Variants in CCDC7 observed in about 807,000 individuals in gnomAD.
CCDC7 encodes coiled-coil domain-containing protein 7.
A neutral mutation model predicts 196.9 loss-of-function variants in CCDC7; 183 were observed. The observed-to-expected ratio is 0.93, with a 90% CI of 0.82 to 1.05. The LOEUF (loss-of-function observed/expected upper bound fraction) is 1.05. Among genes scored for constraint, CCDC7 ranks in the 50% least tolerant of loss-of-function variants. CCDC7 has a pLI of 0.00. For synonymous variants in CCDC7, 525 were observed against 484.6 expected (o/e 1.08, Z -1.10); for missense variants, 1,540 against 1,482.2 (o/e 1.04, Z -0.64).
At chr10:32,821,683 T>C (rs960143387) in intron 31 of CCDC7, among the ~76,000 whole-genome samples, 4 of 151,994 alleles carry the variant, frequency 2.6e-5, no homozygotes, top group Admixed American at 1.3e-4. Context: ...AAGCTGGAAA[T>C]CATCATTCTC....
At chr10:32,836,968 A>T (rs952098360) in intron 33 of CCDC7, among the ~76,000 whole-genome samples, 1 of 152,082 alleles carries the variant, frequency 6.6e-6, no homozygotes, top group Non-Finnish European at 1.5e-5. Context: ...AACCATAAAA[A>T]CCCTAGAAGA....
intron 28 of CCDC7, among the ~76,000 whole-genome samples, chr10:32,773,984 A>G (rs1340081327): frequency 6.6e-6 from 1 of 152,190 alleles, no homozygotes; most frequent in African/African-American, 2.4e-5. Flanking sequence ...CTGCTCTAGA[A>G]CTATGTTGCT....
At chr10:32,707,941 T>G (rs567264690) in intron 24 of CCDC7, among the ~76,000 whole-genome samples, 88 of 152,258 alleles carry the variant, frequency 5.8e-4, no homozygotes, top group Middle Eastern at 3.4e-3. Flanking sequence ...AAGCTACCAA[T>G]GACTTTCTTC....
intron 16 of CCDC7, 101 bp downstream of exon 17, chr10:32,571,994 C>T (rs986237040): frequency 2.2e-5 from 24 of 1,080,888 alleles, no homozygotes; most frequent in Non-Finnish European, 2.9e-5. Context: ...TGTCACAAAA[C>T]TCTTTGAAAC....
chr10:32,453,578 C>T, intron 2 of CCDC7, 142 bp downstream of exon 3: 2 of 618,738 alleles, frequency 3.2e-6, no homozygotes, highest in Non-Finnish European at 4.6e-6. Flanking sequence ...AAATGATCCT[C>T]TTAGAAAATT....
At chr10:32,571,006 CTTTTTTT>C (rs376971167) in intron 15 of CCDC7, among the ~76,000 whole-genome samples, 1 of 131,408 alleles carries the variant, frequency 7.6e-6, no homozygotes, top group Non-Finnish European at 1.6e-5. Context: ...GGTCACTGGC[CTTTTTTT>C]TTTTTTTTTT....
intron 18 of CCDC7, among the ~76,000 whole-genome samples, chr10:32,599,582 T>C (rs1158256096): frequency 6.6e-6 from 1 of 152,198 alleles, no homozygotes; most frequent in Admixed American, 6.5e-5. Flanking sequence ...CTTTTGTGTA[T>C]GTTTTTAGAT....
chr10:32,713,144 A>G (rs932832202), intron 25 of CCDC7, among the ~76,000 whole-genome samples: 4 of 152,240 alleles, frequency 2.6e-5, no homozygotes, highest in African/African-American at 9.6e-5. Context: ...TAATATATTC[A>G]GTAGTAGAGG....
chr10:32,588,382 C>T (rs2059486589), intron 18 of CCDC7, among the ~76,000 whole-genome samples: 1 of 7,772 alleles, frequency 1.3e-4, no homozygotes, highest in Admixed American at 2.5e-3. Context: ...CAGATTTTGT[C>T]ACATGCATTT....
intron 9 of CCDC7, among the ~76,000 whole-genome samples, chr10:32,507,267 A>G (rs1286727089): frequency 6.6e-6 from 1 of 152,114 alleles, no homozygotes; most frequent in East Asian, 1.9e-4. Flanking sequence ...CTGGGATTAC[A>G]GGCATGAGCC....
At chr10:32,526,556 G>A (rs981126787) in intron 11 of CCDC7, among the ~76,000 whole-genome samples, 2 of 152,142 alleles carry the variant, frequency 1.3e-5, no homozygotes, top group Admixed American at 6.5e-5. Context: ...TCAGAGCCCA[G>A]GCCCACAGTG....
intron 20 of CCDC7, among the ~76,000 whole-genome samples, chr10:32,646,750 T>C (rs2140049388): frequency 6.6e-6 from 1 of 152,282 alleles, no homozygotes; most frequent in East Asian, 1.9e-4. Context: ...CCACCTCTAG[T>C]AGGCCACAGT....
chr10:32,503,112 T>G (rs1034963314), intron 9 of CCDC7, among the ~76,000 whole-genome samples: 7 of 152,178 alleles, frequency 4.6e-5, no homozygotes, highest in Non-Finnish European at 1.0e-4. Context: ...ATTTTACTTA[T>G]TCTTTTTCTA....
intron 18 of CCDC7, among the ~76,000 whole-genome samples, chr10:32,610,174 G>T (rs1480129263): frequency 6.6e-6 from 1 of 151,894 alleles, no homozygotes; most frequent in African/African-American, 2.4e-5. Flanking sequence ...GCACGATCTC[G>T]GCTCACTGCA....
intron 9 of CCDC7, among the ~76,000 whole-genome samples, chr10:32,510,652 T>C (rs1322906578): frequency 6.6e-6 from 1 of 152,152 alleles, no homozygotes; most frequent in African/African-American, 2.4e-5. Flanking sequence ...CAGCCTTTAT[T>C]GAGAGTACAG....
chr10:32,482,518 T>G (rs934021481), intron 8 of CCDC7, among the ~76,000 whole-genome samples: 4 of 152,158 alleles, frequency 2.6e-5, no homozygotes, highest in Non-Finnish European at 4.4e-5. Context: ...TTTATTATAC[T>G]TTAAGTTTTA....
Position 32,511,261 on chromosome 10 carries a change from C to CGGT in CCDC7, c.873-6682_873-6681insTGG, listed in dbSNP as rs1554812866. On this transcript the variant is annotated intron_variant, in intron 9 of 41. Coordinates refer to ENST00000639629, the Ensembl canonical transcript of CCDC7. ...TGCCACAGAATTATTCTGTGGGGGG[C>CGGT]GGGGGGGGCGGGGAAATGTACTTTT... The CGGT allele has an allele frequency of 1.3e-5, 5 of 383,214 alleles. 1 individual carries two copies. The highest frequency in any genetic ancestry group is 6.2e-5 in the South Asian group (2 of 32,328). The allele number at this position is 383,214 out of a possible 1,614,324, so 23.7% of individuals were successfully genotyped here.
chr10:32,551,052 T>C (rs2053394932), intron 13 of CCDC7, among the ~76,000 whole-genome samples: 1 of 152,142 alleles, frequency 6.6e-6, no homozygotes, highest in Non-Finnish European at 1.5e-5. Context: ...GTTGGTAATT[T>C]TTAAATTACC....
intron 8 of CCDC7, among the ~76,000 whole-genome samples, chr10:32,487,075 C>T (rs914874915): frequency 6.6e-6 from 1 of 152,110 alleles, no homozygotes; most frequent in Admixed American, 6.5e-5. Flanking sequence ...TGGATAATAT[C>T]CTGAAGAGTG....
Sources: gnomAD v4.1 joint callset for allele counts (sites outside exome capture counted in the v4.1 genomes callset) on GRCh38, gnomAD v4.1.1 for gene constraint, MANE v1.5 for transcripts, NCBI Gene and HGNC (gene_info 2026-07-23, HGNC 2026-07-21) for gene names.